CHD4: variants seen among roughly 807,000 people sequenced by gnomAD.
CHD4 encodes chromodomain helicase DNA binding protein 4.
In CHD4, 35 loss-of-function variants were observed where a neutral mutation model predicts 235.5. The ratio of observed to expected loss-of-function variants is 0.15; its 90% CI spans 0.11 to 0.20. The LOEUF is 0.20. CHD4 is among the 10% of genes least tolerant of loss of function. The pLI is 1.00. For missense variants in CHD4, 1,329 were observed against 2,432.3 expected (o/e 0.55, Z 9.54); for synonymous variants, 900 against 850.2 (o/e 1.06, Z -1.02).
chr12:6,581,591 G>A (rs759585087), intron 31 of CHD4, 58 bp downstream of exon 31: 4 of 1,612,296 alleles, frequency 2.5e-6, no homozygotes, highest in East Asian at 2.2e-5. Context: ...CAGGGGAGCA[G>A]AAAAATAGGC....
chr12:6,596,044 C>G lies in CHD4; in HGVS notation c.1986G>C (p.Gln662His). The change falls in exon 13 of 40, where the codon CAG (glutamine) becomes CAC (histidine). Residue 662 changes from glutamine to histidine, a missense_variant. Gln to His is a conservative substitution (Grantham distance 24). Coordinates refer to ENST00000544040, the MANE Select transcript of CHD4 (RefSeq NM_001273.5). ...AGCTCTGCTTGAACAGGTCGTAATC[C>G]TGGATCTCCACATCCTCACTCTCCC... ...ASWESEDVEI[Q>H]DYDLFKQSYW... 6.2e-7 allele frequency: 1 copy of G among 1,613,918 alleles called. No individual in the cohort carries two copies. The highest frequency in any genetic ancestry group is 8.5e-7 in the Non-Finnish European group (1 of 1,179,964).
intron 25 of CHD4, chr12:6,584,225 T>C (rs907098422): frequency 2.6e-5 from 4 of 152,164 alleles, no homozygotes; most frequent in African/African-American, 9.7e-5. Flanking sequence ...AAAAAAAGTC[T>C]TTGGGTACAT....
chr12:6,606,287 G>C lies in CHD4; in HGVS notation c.87C>G (p.Pro29=), dbSNP rs142820101. The change falls in exon 2 of 40, where the codon CCC becomes CCG. Residue 29 remains proline, a synonymous_variant. Transcript: ENST00000544040. ...DMDALLNNSL[P]PPHPENEEDP... ...GGAAGATGTTACCTGGGTGGGGTGG[G>C]GGCAGGCTGTTGTTCAAAAGTGCAT... 954 of 1,578,180 alleles carry C rather than the reference G, an allele frequency of 6.0e-4. 1 individual carries two copies. The highest frequency in any genetic ancestry group is 7.6e-4 in the Non-Finnish European group (884 of 1,162,876).
chr12:6,600,126 G>A, intron 9 of CHD4, 91 bp downstream of exon 9: 1 of 1,564,424 alleles, frequency 6.4e-7, no homozygotes, highest in Non-Finnish European at 8.7e-7. Context: ...CGCAGCACCA[G>A]CATTTCCATT....
chr12:6,605,791 G>T (rs746495843), intron 2 of CHD4, among the ~76,000 whole-genome samples: 1 of 152,132 alleles, frequency 6.6e-6, no homozygotes, highest in Non-Finnish European at 1.5e-5. Context: ...CAGAAAACCG[G>T]TAACCGATCA....
intron 37 of CHD4, 22 bp downstream of exon 37, chr12:6,577,763 A>G: frequency 1.9e-6 from 3 of 1,613,734 alleles, no homozygotes; most frequent in Non-Finnish European, 2.5e-6. Context: ...CTTAAGCAAT[A>G]TATTCCTCCC....
rs1948325860 is a variant in CHD4 at position 6,587,826 on chromosome 12, G to A, written c.3589C>T (p.Leu1197=). The A allele has an allele frequency of 6.2e-7, 1 of 1,614,226 alleles. No homozygotes were observed. Among genetic ancestry groups the A allele is most frequent in the East Asian group, 2.2e-5 (1 of 44,888 alleles). ...GAGCCCAGCCCAGGCCGCACCACTA[G>A]ATGCGTCAGCATCATTTTCTTCTTT... is the stretch of plus-strand genomic sequence containing the variant. ...VAKKKMMLTH[L]VVRPGLGSKT... is the part of the protein sequence containing the mutation. Residue 1197 remains leucine (L), a synonymous_variant, in exon 24 of 40, where the codon CTA becomes TTA. Coordinates refer to ENST00000544040, the MANE Select transcript of CHD4 (RefSeq NM_001273.5).
intron 35 of CHD4, 125 bp downstream of exon 35, chr12:6,578,284 T>G: frequency 7.2e-7 from 1 of 1,387,974 alleles, no homozygotes; most frequent in South Asian, 1.2e-5. Flanking sequence ...CAGAACCCAC[T>G]ATCAGTTTGG....
chr12:6,587,671 G>C, intron 24 of CHD4, 41 bp downstream of exon 24: 1 of 1,607,380 alleles, frequency 6.2e-7, no homozygotes, highest in Non-Finnish European at 8.5e-7. Context: ...CTTTAGAGAG[G>C]CCAAGCCCCA....
chr12:6,595,819 GT>G (rs1439837023), intron 13 of CHD4, among the ~76,000 whole-genome samples, 186 bp downstream of exon 13: 1 of 150,882 alleles, frequency 6.6e-6, no homozygotes, highest in African/African-American at 2.4e-5. Flanking sequence ...TCAGCTAGGT[GT>G]GGTGGCGTAT....
At chr12:6,594,383 C>T in intron 15 of CHD4, 76 bp downstream of exon 15, 1 of 1,378,374 alleles carries the variant, frequency 7.3e-7, no homozygotes, top group Non-Finnish European at 9.9e-7. Flanking sequence ...ATTCCCTTAT[C>T]TCTCTACTCA....
intron 35 of CHD4, 51 bp downstream of exon 35, chr12:6,578,358 C>A (rs1390845264): frequency 6.3e-7 from 1 of 1,590,864 alleles, no homozygotes; most frequent in Non-Finnish European, 8.5e-7. Context: ...GACAAGAACC[C>A]CAATTTCACA....
chr12:6,591,551 G>A lies in CHD4; in HGVS notation c.3255C>T (p.Phe1085=), dbSNP rs772890826. 6.2e-7 allele frequency: 1 copy of A among 1,614,210 alleles called. No homozygotes were observed. The change falls in exon 22 of 40, where the codon TTC becomes TTT. Residue 1085 remains phenylalanine, a synonymous_variant. Coordinates refer to ENST00000544040, the MANE Select transcript of CHD4 (RefSeq NM_001273.5). ...MTKMLDLLED[F]LEHEGYKYER... ...CGTATTTATAACCTTCATGTTCCAA[G>A]AAATCCTCTAGCAGGTCTAGCATCT...
Position 6,570,681 on chromosome 12 carries a change from G to C in CHD4, c.5734C>G (p.Gln1912Glu), listed in dbSNP as rs1404333221. ...EPTPQQVAQQ[Q>E] is the part of the protein sequence containing the mutation. ...GGTGGTATCAGTCTGCATCTTCACTGCTGCTGGGCTACCTAGAGAAGGAGA... is the reference window on the plus strand; with the variant it reads ...GGTGGTATCAGTCTGCATCTTCACTCCTGCTGGGCTACCTAGAGAAGGAGA... The change falls in exon 40 of 40, where the codon CAG becomes GAG. Residue 1912 changes from glutamine to glutamate, a missense_variant. Transcript: ENST00000544040. The C allele has an allele frequency of 3.1e-6, 5 of 1,614,074 alleles. No individual in the cohort carries two copies. In the Admixed American group the frequency reaches 8.3e-5, roughly 27 times the overall value.
intron 8 of CHD4, 44 bp from the exon 9 acceptor site, chr12:6,600,439 C>T: frequency 1.2e-6 from 2 of 1,607,760 alleles, no homozygotes; most frequent in Non-Finnish European, 1.7e-6. Flanking sequence ...AAAAAAACTA[C>T]CTCCCCCCAC....
In CHD4 at chr12:6,576,503, T is replaced by C. The variant is rs912746464; in HGVS notation, c.5361+1282A>G. Among the ~76,000 whole-genome samples, 3 of 152,170 alleles carry C rather than the reference T, an allele frequency of 2.0e-5. No individual in the cohort carries two copies. The East Asian group carries it at 5.8e-4, about 29-fold the overall frequency. On this transcript the variant is annotated intron_variant, in intron 37 of 39. Transcript: ENST00000544040. ...CTAATTTTTGTATTTTTTGTAGACA[T>C]GGGGTTTTGCCATGTTGCCCGAGCT...
chr12:6,600,565 C>T lies in CHD4; in HGVS notation c.1032G>A (p.Lys344=). 1 of 1,612,780 alleles carries T rather than the reference C, an allele frequency of 6.2e-7. No homozygotes were observed. Among genetic ancestry groups the T allele is most frequent in the Non-Finnish European group, 8.5e-7 (1 of 1,179,882 alleles). The change falls in exon 8 of 40, where the codon AAG becomes AAA. Residue 344 remains lysine (K), a synonymous_variant. Transcript: ENST00000544040. ...TTTTCTTTTTAGTGGTTCGGAGTTT[C>T]TTGCGGCTGCGGCTACTACGGCTGG... ...GSTSRSSRSR[K]KLRTTKKKKK...
At chr12:6,604,148 G>A (rs1243457298) in intron 2 of CHD4, among the ~76,000 whole-genome samples, 2 of 152,124 alleles carry the variant, frequency 1.3e-5, no homozygotes, top group African/African-American at 2.4e-5. Flanking sequence ...GGTGGTGGGT[G>A]CCTGTAATCC....
chr12:6,592,921 T>A (rs1948425601), intron 17 of CHD4, 104 bp from the exon 18 acceptor site: 4 of 1,514,556 alleles, frequency 2.6e-6, no homozygotes, highest in African/African-American at 1.4e-5. Context: ...AGCATCCCAC[T>A]CCTCACATTC....
Sources: allele counts gnomAD v4.1 joint callset (sites outside exome capture counted in the v4.1 genomes callset), GRCh38; gene constraint gnomAD v4.1.1; transcripts MANE v1.5; gene names NCBI Gene and HGNC (gene_info 2026-07-23, HGNC 2026-07-21).